MALRD1: variants seen among roughly 807,000 people sequenced by gnomAD.
MALRD1 encodes the protein MAM and LDL receptor class A domain containing 1, also known as MAM and LDL-receptor class A domain-containing protein 1.
Under a neutral mutation model 242.1 loss-of-function variants are expected in MALRD1, and 247 were observed. The ratio of observed to expected loss-of-function variants is 1.02; its 90% CI spans 0.92 to 1.13. The LOEUF (loss-of-function observed/expected upper bound fraction) is 1.13. MALRD1 is among the 50% of genes most tolerant of loss of function. The probability of loss-of-function intolerance (pLI) is 0.00; values close to 1 mark genes in which losing one functional copy is unlikely to be tolerated. For synonymous variants in MALRD1, 995 were observed against 866.6 expected, an observed-to-expected ratio of 1.15 and a Z score of -2.60; for missense variants, 2,989 against 2,533.1, an observed-to-expected ratio of 1.18 and a Z score of -3.86.
chr10:19,440,516 C>G (rs1183057977), intron 28 of MALRD1, among the ~76,000 whole-genome samples: 2 of 152,016 alleles, frequency 1.3e-5, no homozygotes, highest in African/African-American at 4.8e-5. Context: ...ACAACAGGAC[C>G]CGATGTGTGA....
chr10:19,633,360 T>C (rs934625572), intron 36 of MALRD1, among the ~76,000 whole-genome samples: 1 of 152,176 alleles, frequency 6.6e-6, no homozygotes, highest in African/African-American at 2.4e-5. Flanking sequence ...CCAGAGAGCA[T>C]TGATATGTTT....
At chr10:19,187,848 G>A (rs1314025881) in intron 14 of MALRD1, among the ~76,000 whole-genome samples, 1 of 152,046 alleles carries the variant, frequency 6.6e-6, no homozygotes, top group Non-Finnish European at 1.5e-5. Context: ...CTACCTATTG[G>A]GTACTGTGCT....
At chr10:19,360,841 T>C (rs530719601) in intron 26 of MALRD1, among the ~76,000 whole-genome samples, 1 of 152,262 alleles carries the variant, frequency 6.6e-6, no homozygotes, top group Non-Finnish European at 1.5e-5. Context: ...TTGCATATTA[T>C]TGTACTGCAA....
intron 33 of MALRD1, among the ~76,000 whole-genome samples, chr10:19,572,072 A>T (rs534779075): frequency 6.6e-6 from 1 of 152,162 alleles, no homozygotes. Flanking sequence ...TTTTCTTTCC[A>T]TGTAGAAGAT....
chr10:19,166,091 C>G (rs1834674542), intron 13 of MALRD1, among the ~76,000 whole-genome samples: 1 of 152,278 alleles, frequency 6.6e-6, no homozygotes, highest in Middle Eastern at 3.4e-3. Context: ...GCACTTAAGA[C>G]ATGTGTAGAA....
chr10:19,279,086 C>T (rs72796454), intron 19 of MALRD1, among the ~76,000 whole-genome samples: 1 of 152,122 alleles, frequency 6.6e-6, no homozygotes, highest in South Asian at 2.1e-4. Context: ...GTTGGCCAGT[C>T]GTCCATGCAC....
At chr10:19,058,414 G>A (rs1382277377) in intron 1 of MALRD1, among the ~76,000 whole-genome samples, 1 of 152,082 alleles carries the variant, frequency 6.6e-6, no homozygotes, top group Admixed American at 6.5e-5. Context: ...CTAATAATCA[G>A]AAAAGTCAAG....
intron 18 of MALRD1, among the ~76,000 whole-genome samples, chr10:19,234,745 A>G (rs1838229872): frequency 6.6e-6 from 1 of 152,180 alleles, no homozygotes; most frequent in African/African-American, 2.4e-5. Flanking sequence ...ATTAACACAA[A>G]TAGCAGGTGA....
At chr10:19,632,024 A>G (rs1311166329) in intron 36 of MALRD1, among the ~76,000 whole-genome samples, 1 of 152,150 alleles carries the variant, frequency 6.6e-6, no homozygotes, top group Non-Finnish European at 1.5e-5. Context: ...AAGAGAATTC[A>G]AGCCAGATGG....
At chr10:19,702,859 A>C (rs1482674712) in intron 38 of MALRD1, among the ~76,000 whole-genome samples, 1 of 152,150 alleles carries the variant, frequency 6.6e-6, no homozygotes, top group Non-Finnish European at 1.5e-5. Context: ...TTTTTCATTA[A>C]ATTTTGTACA....
intron 18 of MALRD1, among the ~76,000 whole-genome samples, chr10:19,215,516 T>A (rs967410118): frequency 1.3e-5 from 2 of 152,210 alleles, no homozygotes; most frequent in Admixed American, 1.3e-4. Context: ...GAACTACTGA[T>A]TTCTTTGGTG....
intron 5 of MALRD1, among the ~76,000 whole-genome samples, chr10:19,114,076 G>A (rs1428370352): frequency 6.6e-6 from 1 of 152,064 alleles, no homozygotes; most frequent in Non-Finnish European, 1.5e-5. Context: ...CCATAAAAAA[G>A]CAGATTTAAA....
chr10:19,048,783 C>A, upstream of MALRD1: 1 of 473,236 alleles, frequency 2.1e-6, no homozygotes, highest in Non-Finnish European at 3.4e-6. Context: ...AAATTAACTG[C>A]CTGGGGAGTA....
intron 18 of MALRD1, among the ~76,000 whole-genome samples, chr10:19,238,688 A>G (rs1838612499): frequency 6.7e-6 from 1 of 148,224 alleles, no homozygotes; most frequent in African/African-American, 2.5e-5. Context: ...ATATTTTTCA[A>G]ACACAATGAT....
chr10:19,561,012 C>T (rs1179026456), intron 32 of MALRD1, among the ~76,000 whole-genome samples: 1 of 151,936 alleles, frequency 6.6e-6, no homozygotes, highest in Non-Finnish European at 1.5e-5. Flanking sequence ...CCTGACTATG[C>T]ATAATTAAAA....
At chr10:19,088,536 C>CTTTTTT (rs748953378) in intron 4 of MALRD1, among the ~76,000 whole-genome samples, 11 of 110,016 alleles carry the variant, frequency 1.0e-4, no homozygotes, top group Non-Finnish European at 1.5e-4. Context: ...CTCTTTCTTT[C>CTTTTTT]TTTTTTTTTT....
chr10:19,390,322 A>G (rs902026039), intron 28 of MALRD1, among the ~76,000 whole-genome samples: 2 of 152,346 alleles, frequency 1.3e-5, no homozygotes, highest in East Asian at 3.9e-4. Flanking sequence ...TTCTGGTTCT[A>G]AGCACACTGT....
intron 18 of MALRD1, among the ~76,000 whole-genome samples, chr10:19,238,480 ACATT>A (rs1838553290): frequency 6.6e-5 from 2 of 30,234 alleles, no homozygotes; most frequent in South Asian, 1.3e-3. Context: ...TATATAATAT[ACATT>A]ATATATAATA....
intron 28 of MALRD1, among the ~76,000 whole-genome samples, chr10:19,400,896 A>G (rs1425753469): frequency 6.6e-6 from 1 of 152,028 alleles, no homozygotes; most frequent in East Asian, 1.9e-4. Flanking sequence ...CGTTCCTGTA[A>G]TCCTAATTAC....
Sources: allele counts gnomAD v4.1 joint callset (sites outside exome capture counted in the v4.1 genomes callset), GRCh38; gene constraint gnomAD v4.1.1; transcripts MANE v1.5; gene names NCBI Gene and HGNC (gene_info 2026-07-23, HGNC 2026-07-21).